MSI2: variants seen among roughly 807,000 people sequenced by gnomAD.
MSI2 encodes RNA-binding protein Musashi homolog 2.
MSI2 carries 17 observed loss-of-function variants against 45.6 expected under a neutral mutation model. That is an observed-to-expected ratio of 0.37 (90% CI 0.26 to 0.56). MSI2 has a LOEUF of 0.56. Among genes scored for constraint, MSI2 ranks in the 20% least tolerant of loss-of-function variants. MSI2 has a pLI of 0.77. For synonymous variants in MSI2, 156 were observed against 158.2 expected, an observed-to-expected ratio of 0.99 and a Z score of 0.11; for missense variants, 293 against 444.2, an observed-to-expected ratio of 0.66 and a Z score of 3.06.
At chr17:57,502,636 T>TATATATAGAGAG in intron 6 of MSI2, among the ~76,000 whole-genome samples, 3 of 96,896 alleles carry the variant, frequency 3.1e-5, no homozygotes, top group Non-Finnish European at 4.3e-5. Context: ...TATATATATA[T>TATATATAGAGAG]AGTCATCATT....
chr17:57,399,619 A>T (rs2083952185), intron 5 of MSI2, among the ~76,000 whole-genome samples: 1 of 151,884 alleles, frequency 6.6e-6, no homozygotes, highest in South Asian at 2.1e-4. Context: ...TTTGGGGTCA[A>T]CCAGCAGGCT....
At chr17:57,695,411 G>A in the MSI2 span, among the ~76,000 whole-genome samples, 227 of 152,248 alleles carry the variant, frequency 1.5e-3, no homozygotes, top group African/African-American at 5.2e-3. Flanking sequence ...TAAGACCTTG[G>A]GGGAGCTGTG....
At chr17:57,687,119 TACA>T (rs1271193196), downstream of MSI2, among the ~76,000 whole-genome samples, 3 of 75,832 alleles carry the variant, frequency 4.0e-5, no homozygotes, top group African/African-American at 2.2e-4. Context: ...TAAAAAAGAT[TACA>T]TACAAACTGC....
In MSI2 at chr17:57,256,781, C is replaced by A. The variant is rs769825339; in HGVS notation, c.39C>A (p.Ala13=). The A allele has an allele frequency of 1.7e-4, 253 of 1,479,594 alleles. No homozygotes were observed. The highest frequency in any genetic ancestry group is 2.2e-4 in the Non-Finnish European group (245 of 1,117,290). The allele number at this position is 1,479,594 out of a possible 1,614,324, so 91.7% of individuals were successfully genotyped here. A position where few individuals can be genotyped will look rare whatever the true frequency, so the allele number is the denominator to read the frequency against. The change falls in exon 1 of 14, where the codon GCC becomes GCA. Residue 13 remains alanine (A), a synonymous_variant. Transcript: ENST00000284073. ...GGAGCCAAGGCACCTCGGGCAGCGC[C>A]AACGACTCCCAGCACGACCCCGGGT... ...ANGSQGTSGS[A]NDSQHDPGKM...
At chr17:57,437,028 G>A (rs2084703045) in intron 6 of MSI2, among the ~76,000 whole-genome samples, 1 of 152,202 alleles carries the variant, frequency 6.6e-6, no homozygotes, top group African/African-American at 2.4e-5. Context: ...CCCCAAGGTT[G>A]AGCCGAGACT....
chr17:57,369,764 G>C (rs1043795301), intron 5 of MSI2, among the ~76,000 whole-genome samples: 1 of 152,158 alleles, frequency 6.6e-6, no homozygotes, highest in Non-Finnish European at 1.5e-5. Flanking sequence ...CCATTTTATA[G>C]ATGAAGAAAC....
intron 7 of MSI2, among the ~76,000 whole-genome samples, chr17:57,533,681 C>T (rs1172404606): frequency 6.6e-6 from 1 of 152,178 alleles, no homozygotes; most frequent in African/African-American, 2.4e-5. Flanking sequence ...CAGAAGTGCT[C>T]TTGATCAGGA....
chr17:57,477,883 G>A (rs1002592438), intron 6 of MSI2, among the ~76,000 whole-genome samples: 1 of 152,202 alleles, frequency 6.6e-6, no homozygotes, highest in African/African-American at 2.4e-5. Flanking sequence ...GGCATTTGAA[G>A]CAAGAGACTA....
chr17:57,687,182 C>G (rs1423416689), downstream of MSI2, among the ~76,000 whole-genome samples: 1 of 110,436 alleles, frequency 9.1e-6, no homozygotes, highest in East Asian at 2.6e-4. Flanking sequence ...TAGCATATAG[C>G]CAAAGCTGTA....
intron 6 of MSI2, among the ~76,000 whole-genome samples, chr17:57,406,057 C>G (rs1394576233): frequency 2.0e-5 from 3 of 152,186 alleles, no homozygotes; most frequent in Non-Finnish European, 2.9e-5. Context: ...CAAGCAGCAT[C>G]TTTCTCAGAA....
intron 11 of MSI2, among the ~76,000 whole-genome samples, chr17:57,656,653 A>C (rs1453013509): frequency 2.0e-5 from 3 of 152,206 alleles, no homozygotes; most frequent in Non-Finnish European, 4.4e-5. Context: ...AAGGTTAAGT[A>C]GGGTGAGAGT....
At chr17:57,287,782 G>T (rs117749634) in intron 5 of MSI2, among the ~76,000 whole-genome samples, 1 of 152,220 alleles carries the variant, frequency 6.6e-6, no homozygotes, top group Non-Finnish European at 1.5e-5. Context: ...TGTTTCGGCC[G>T]GTTATGAATG....
chr17:57,318,364 CTG>C (rs1221548035), intron 5 of MSI2, among the ~76,000 whole-genome samples: 1 of 152,096 alleles, frequency 6.6e-6, no homozygotes, highest in Non-Finnish European at 1.5e-5. Context: ...CACTGGTTGT[CTG>C]TGTCTCTCTC....
At chr17:57,462,973 C>T (rs560136175) in intron 6 of MSI2, among the ~76,000 whole-genome samples, 1 of 152,242 alleles carries the variant, frequency 6.6e-6, no homozygotes, top group Non-Finnish European at 1.5e-5. Context: ...GGGAGACTCC[C>T]GCTTGGATGT....
At chr17:57,696,097 G>A in the MSI2 span, among the ~76,000 whole-genome samples, 2 of 152,128 alleles carry the variant, frequency 1.3e-5, no homozygotes, top group African/African-American at 4.8e-5. Flanking sequence ...TGAATATTCG[G>A]TTCCTAACAC....
At chr17:57,466,200 T>C (rs1482095155) in intron 6 of MSI2, among the ~76,000 whole-genome samples, 1 of 152,200 alleles carries the variant, frequency 6.6e-6, no homozygotes, top group Non-Finnish European at 1.5e-5. Flanking sequence ...TTAGTGGCAA[T>C]GACTGTGGGG....
chr17:57,660,027 G>A (rs536199087), intron 11 of MSI2, among the ~76,000 whole-genome samples: 9 of 152,304 alleles, frequency 5.9e-5, no homozygotes, highest in African/African-American at 2.2e-4. Flanking sequence ...AAACACTATA[G>A]GTTAATGTTA....
At chr17:57,323,531 G>A (rs1389831263) in intron 5 of MSI2, among the ~76,000 whole-genome samples, 3 of 152,352 alleles carry the variant, frequency 2.0e-5, no homozygotes, top group African/African-American at 7.2e-5. Context: ...TCCTTGGTTG[G>A]TGCCGCCTCC....
intron 9 of MSI2, among the ~76,000 whole-genome samples, chr17:57,621,066 C>G (rs1390564536): frequency 6.6e-6 from 1 of 152,226 alleles, no homozygotes; most frequent in Admixed American, 6.5e-5. Flanking sequence ...GATGGAAGCC[C>G]TTGACTCTGT....
Sources: allele counts gnomAD v4.1 joint callset (sites outside exome capture counted in the v4.1 genomes callset), GRCh38; gene constraint gnomAD v4.1.1; transcripts MANE v1.5; gene names NCBI Gene and HGNC (gene_info 2026-07-23, HGNC 2026-07-21).